The following GRIP1 variants were observed in gnomAD, a reference collection of about 807,000 sequenced individuals.
GRIP1 encodes the protein glutamate receptor-interacting protein 1.
A neutral mutation model predicts 129.9 loss-of-function variants in GRIP1; 45 were observed. The observed-to-expected ratio is 0.35, with a 90% CI of 0.27 to 0.44. The LOEUF is 0.44. Among genes scored for constraint, GRIP1 ranks in the 20% least tolerant of loss-of-function variants. The pLI is 1.00. For synonymous variants in GRIP1, 530 were observed against 520.8 expected, an observed-to-expected ratio of 1.02 and a Z score of -0.24; for missense variants, 1,196 against 1,396.8, an observed-to-expected ratio of 0.86 and a Z score of 2.29.
At chr12:66,566,798 T>C (rs2131595) in intron 2 of GRIP1, among the ~76,000 whole-genome samples, 56,823 of 151,980 alleles carry the variant, frequency 0.37, 10,797 homozygotes, top group East Asian at 0.41. Context: ...TAATCATTGC[T>C]TCAATTTCAG....
At chr12:66,691,347 G>GA (rs2034976198) in intron 1 of GRIP1, among the ~76,000 whole-genome samples, 1 of 152,100 alleles carries the variant, frequency 6.6e-6, no homozygotes, top group Non-Finnish European at 1.5e-5. Flanking sequence ...GGCTGAATAA[G>GA]AAAAACTATC....
intron 12 of GRIP1, among the ~76,000 whole-genome samples, chr12:66,445,055 A>C (rs546470115): frequency 6.6e-6 from 1 of 152,230 alleles, no homozygotes; most frequent in Non-Finnish European, 1.5e-5. Flanking sequence ...GTTGAACTTC[A>C]GGATATGTTT....
intron 4 of GRIP1, among the ~76,000 whole-genome samples, chr12:66,536,562 C>T (rs990270977): frequency 6.6e-6 from 1 of 152,144 alleles, no homozygotes; most frequent in Non-Finnish European, 1.5e-5. Flanking sequence ...AACCAACTCC[C>T]TCACCTCCTT....
intron 8 of GRIP1, among the ~76,000 whole-genome samples, chr12:66,464,949 TC>T (rs1360197887): frequency 0.066 from 9,306 of 141,060 alleles, 867 homozygotes; most frequent in African/African-American, 0.21. Context: ...TTTCTTTCTT[TC>T]TTTCTTTTTT....
At chr12:66,721,723 G>A (rs1210284620) in intron 1 of GRIP1, among the ~76,000 whole-genome samples, 1 of 152,180 alleles carries the variant, frequency 6.6e-6, no homozygotes, top group African/African-American at 2.4e-5. Context: ...TTCTTCTTCT[G>A]ATATAAGGCT....
intron 7 of GRIP1, among the ~76,000 whole-genome samples, chr12:66,486,416 C>A (rs2059956598): frequency 6.6e-6 from 1 of 152,010 alleles, no homozygotes; most frequent in South Asian, 2.1e-4. Flanking sequence ...GTGTCCCCAC[C>A]CAAATCTCAT....
intron 1 of GRIP1, among the ~76,000 whole-genome samples, chr12:66,786,563 C>T (rs889824232): frequency 1.3e-5 from 2 of 152,174 alleles, no homozygotes; most frequent in Non-Finnish European, 2.9e-5. Flanking sequence ...TCTGCTTTTC[C>T]CAGCAGCCCC....
chr12:66,544,905 T>G (rs1283788798), intron 2 of GRIP1, among the ~76,000 whole-genome samples: 1 of 152,162 alleles, frequency 6.6e-6, no homozygotes, highest in Admixed American at 6.6e-5. Flanking sequence ...GATGCATTCA[T>G]TTGCATGAGT....
chr12:66,835,962 A>G (rs1048759009), intron 1 of GRIP1, among the ~76,000 whole-genome samples: 2 of 152,116 alleles, frequency 1.3e-5, no homozygotes, highest in African/African-American at 4.8e-5. Flanking sequence ...CTGTGTGTGT[A>G]TAGGGGGAGG....
chr12:66,355,772 A>G (rs1270353379), intron 23 of GRIP1, among the ~76,000 whole-genome samples: 2 of 152,064 alleles, frequency 1.3e-5, no homozygotes, highest in African/African-American at 4.8e-5. Context: ...TTGCTCATGG[A>G]TATATCTCAA....
chr12:66,909,049 T>C (rs1433918716), intron 1 of GRIP1, among the ~76,000 whole-genome samples: 1 of 152,384 alleles, frequency 6.6e-6, no homozygotes, highest in African/African-American at 2.4e-5. Flanking sequence ...TTATGCTCTC[T>C]TTACATTTGT....
chr12:66,838,027 C>T (rs1350566268), intron 1 of GRIP1, among the ~76,000 whole-genome samples: 2 of 151,982 alleles, frequency 1.3e-5, no homozygotes, highest in East Asian at 3.9e-4. Context: ...AACCCTGTGC[C>T]TACTAAAAAT....
intron 1 of GRIP1, among the ~76,000 whole-genome samples, chr12:66,661,481 G>A (rs1391515833): frequency 1.3e-5 from 2 of 149,414 alleles, no homozygotes; most frequent in African/African-American, 5.0e-5. Flanking sequence ...AAAGGTGGAG[G>A]GGAGATGGGA....
At chr12:66,747,447 C>T (rs539016987) in intron 1 of GRIP1, among the ~76,000 whole-genome samples, 86 of 152,278 alleles carry the variant, frequency 5.6e-4, no homozygotes, top group African/African-American at 1.9e-3. Context: ...ATGTAAGTTA[C>T]ATCTGCTAAA....
chr12:66,809,671 T>C (rs2039066058), intron 1 of GRIP1, among the ~76,000 whole-genome samples: 1 of 152,032 alleles, frequency 6.6e-6, no homozygotes, highest in Admixed American at 6.5e-5. Flanking sequence ...TCTTTTTTTT[T>C]TTTTTTGAGA....
At chr12:66,680,929 A>G (rs565529978), upstream of GRIP1, among the ~76,000 whole-genome samples, 1 of 152,158 alleles carries the variant, frequency 6.6e-6, no homozygotes, top group East Asian at 1.9e-4. Flanking sequence ...TATGACTAAA[A>G]TGATCAAATA....
chr12:66,936,293 G>A (rs1211738688), intron 1 of GRIP1, among the ~76,000 whole-genome samples: 1 of 152,054 alleles, frequency 6.6e-6, no homozygotes, highest in Non-Finnish European at 1.5e-5. Context: ...GAGCATGGTG[G>A]CATTCACCTG....
intron 1 of GRIP1, among the ~76,000 whole-genome samples, chr12:66,934,648 A>G (rs908409185): frequency 2.0e-5 from 3 of 152,232 alleles, no homozygotes; most frequent in African/African-American, 7.2e-5. Context: ...ATACTTGTGA[A>G]ATGATCAAGT....
intron 1 of GRIP1, among the ~76,000 whole-genome samples, chr12:67,016,233 C>T (rs774397): frequency 0.43 from 65,512 of 151,966 alleles, 15,303 homozygotes; most frequent in East Asian, 0.77. Context: ...AAATTCCAAA[C>T]GCTTGAGAAT....
Sources: gnomAD v4.1 joint callset for allele counts (sites outside exome capture counted in the v4.1 genomes callset) on GRCh38, gnomAD v4.1.1 for gene constraint, MANE v1.5 for transcripts, NCBI Gene and HGNC (gene_info 2026-07-23, HGNC 2026-07-21) for gene names.